Variants in CFAP53 observed in about 807,000 individuals in gnomAD.
CFAP53 encodes the protein cilia- and flagella-associated protein 53.
In CFAP53, 62 loss-of-function variants were observed where a neutral mutation model predicts 59.7. That is an observed-to-expected ratio of 1.04 (90% CI 0.85 to 1.28). The LOEUF is 1.28. CFAP53 is among the 50% of genes most tolerant of loss of function. CFAP53 has a pLI of 0.00. For synonymous variants in CFAP53, 218 were observed against 205.7 expected (o/e 1.06, Z -0.51); for missense variants, 629 against 615.6 (o/e 1.02, Z -0.23).
At chr18:50,255,713 T>A (rs1370744855) in intron 3 of CFAP53, among the ~76,000 whole-genome samples, 2 of 152,184 alleles carry the variant, frequency 1.3e-5, no homozygotes, top group Non-Finnish European at 2.9e-5. Flanking sequence ...ATTCTATGAA[T>A]GCCACTGAAT....
At chr18:50,263,737 G>A (rs2033914610) in intron 1 of CFAP53, among the ~76,000 whole-genome samples, 1 of 152,222 alleles carries the variant, frequency 6.6e-6, no homozygotes, top group African/African-American at 2.4e-5. Context: ...GAACAGGAAT[G>A]AAACACCAAG....
intron 7 of CFAP53, among the ~76,000 whole-genome samples, chr18:50,230,326 C>T (rs1000977632): frequency 6.6e-6 from 1 of 152,124 alleles, no homozygotes; most frequent in African/African-American, 2.4e-5. Flanking sequence ...GGACTTTCAG[C>T]CCCACCCACT....
intron 5 of CFAP53, among the ~76,000 whole-genome samples, chr18:50,250,512 G>C (rs2033787632): frequency 6.6e-6 from 1 of 152,142 alleles, no homozygotes; most frequent in African/African-American, 2.4e-5. Context: ...GTTAGCATCA[G>C]AATCACCTGG....
chr18:50,257,763 C>T (rs750719689), intron 3 of CFAP53, among the ~76,000 whole-genome samples: 1 of 152,196 alleles, frequency 6.6e-6, no homozygotes. Context: ...AAAACAGTTG[C>T]TCATGCCTAT....
Position 50,228,977 on chromosome 18 carries a change from G to A in CFAP53, c.1317-1368C>T, listed in dbSNP as rs111750141. 6.3e-3 allele frequency among the ~76,000 whole-genome samples: 963 copies of A among 152,130 alleles called. 7 individuals are homozygous for A. The highest frequency in any genetic ancestry group is 0.022 in the African/African-American group (908 of 41,504). Reference sequence around the variant, plus strand: ...TAGCCAGGCATGGTGGCATGTGCCTGTGGTCCCAGCTGAAGTGGGTGGATT... The same window carrying A: ...TAGCCAGGCATGGTGGCATGTGCCTATGGTCCCAGCTGAAGTGGGTGGATT... On this transcript the variant is annotated intron_variant, in intron 7 of 7. Transcript: ENST00000398545.
intron 3 of CFAP53, among the ~76,000 whole-genome samples, chr18:50,259,592 C>T (rs1451862277): frequency 6.6e-6 from 1 of 151,952 alleles, no homozygotes; most frequent in East Asian, 1.9e-4. Context: ...TGCCACCATG[C>T]CCGGCTAATT....
intron 5 of CFAP53, among the ~76,000 whole-genome samples, chr18:50,248,246 G>A (rs1425934853): frequency 6.6e-6 from 1 of 152,046 alleles, no homozygotes; most frequent in Non-Finnish European, 1.5e-5. Flanking sequence ...TAGCCATTAG[G>A]GAAATGTAAA....
chr18:50,250,876 T>C lies in CFAP53; in HGVS notation c.878A>G (p.Gln293Arg). 6.2e-7 allele frequency: 1 copy of C among 1,614,226 alleles called. No homozygotes were observed. The highest frequency in any genetic ancestry group is 8.5e-7 in the Non-Finnish European group (1 of 1,180,022). The change falls in exon 5 of 8, where the codon CAA (glutamine) becomes CGA (arginine). Residue 293 changes from glutamine (Q) to arginine (R), a missense_variant. Physicochemically the swap from Gln to Arg is conservative, Grantham distance 43 (BLOSUM62 1). Transcript: ENST00000398545. ...CTGCTGAATATGTTCTATCCTCTCT[T>C]GTAGGGCTTTTTGCAAAATGGTCCT... ...ETRTILQKAL[Q>R]ERIEHIQQEY...
chr18:50,249,459 A>C (rs1476549702), intron 5 of CFAP53, among the ~76,000 whole-genome samples: 1 of 151,848 alleles, frequency 6.6e-6, no homozygotes, highest in African/African-American at 2.4e-5. Context: ...TTGAGGCTGC[A>C]GGGAGCTGAG....
At chr18:50,242,042 C>G (rs2033695113) in intron 6 of CFAP53, among the ~76,000 whole-genome samples, 1 of 152,150 alleles carries the variant, frequency 6.6e-6, no homozygotes, top group Admixed American at 6.6e-5. Context: ...CAGGGCTATT[C>G]CTTGCTGGGA....
intron 6 of CFAP53, among the ~76,000 whole-genome samples, 170 bp downstream of exon 6, chr18:50,242,730 T>C (rs990824386): frequency 4.6e-5 from 7 of 152,356 alleles, no homozygotes; most frequent in African/African-American, 1.4e-4. Flanking sequence ...TGCTGGTCTC[T>C]TCATATATAT....
rs781368965 is a variant in CFAP53, at chr18:50,242,905, TCTTGAA to T, written c.1202_1207del (p.Val401_Gln402del). 34 of 1,612,380 alleles carry T rather than the reference TCTTGAA, an allele frequency of 2.1e-5. No homozygotes were observed. The highest frequency in any genetic ancestry group is 2.7e-5 in the African/African-American group (2 of 74,918). On this transcript the variant is annotated inframe_deletion, in exon 6 of 8. Coordinates refer to ENST00000398545, the MANE Select transcript of CFAP53 (RefSeq NM_145020.5). ...ACTGTAATTCAGTTCCTTACACTTT[TCTTGAA>T]CTTGAAGTTTTCTTGTACACATGAC... is the stretch of plus-strand genomic sequence containing the variant.
chr18:50,255,554 A>G (rs1213865547), intron 3 of CFAP53, among the ~76,000 whole-genome samples: 1 of 137,248 alleles, frequency 7.3e-6, no homozygotes, highest in Admixed American at 8.0e-5. Flanking sequence ...ATATATAATT[A>G]TTTAAAATTA....
intron 6 of CFAP53, among the ~76,000 whole-genome samples, chr18:50,240,607 T>C (rs1421838914): frequency 6.6e-6 from 1 of 152,240 alleles, no homozygotes; most frequent in Non-Finnish European, 1.5e-5. Flanking sequence ...ATGGTCTTGC[T>C]GAGAGATCAT....
At chr18:50,261,382 GTTT>G (rs548989445) in intron 2 of CFAP53, 145 bp from the exon 3 acceptor site, 1 of 985,878 alleles carries the variant, frequency 1.0e-6, no homozygotes, top group East Asian at 3.1e-5. Flanking sequence ...TGGTTGGTTT[GTTT>G]TTTTGTTTTT....
At chr18:50,241,807 C>T (rs1465310850) in intron 6 of CFAP53, among the ~76,000 whole-genome samples, 6 of 152,088 alleles carry the variant, frequency 3.9e-5, no homozygotes, top group Non-Finnish European at 1.5e-5. Flanking sequence ...GGGTCTGCGT[C>T]CCACTGTGCA....
intron 5 of CFAP53, among the ~76,000 whole-genome samples, 188 bp downstream of exon 5, chr18:50,250,570 T>G (rs920786704): frequency 1.3e-5 from 2 of 152,192 alleles, no homozygotes; most frequent in Non-Finnish European, 2.9e-5. Context: ...TGATTTTGAT[T>G]GGGAGATCCT....
intron 7 of CFAP53, among the ~76,000 whole-genome samples, chr18:50,227,956 T>TTTTA (rs2033542521): frequency 2.0e-4 from 1 of 4,914 alleles, no homozygotes; most frequent in African/African-American, 4.0e-4. Context: ...ACTTTTCTCC[T>TTTTA]TTTTTTTTTT....
intron 5 of CFAP53, among the ~76,000 whole-genome samples, chr18:50,247,620 T>C (rs2033757326): frequency 6.6e-6 from 1 of 152,242 alleles, no homozygotes; most frequent in South Asian, 2.1e-4. Flanking sequence ...TGGAATATCA[T>C]TCAGCCACAT....
Sources: gnomAD v4.1 joint callset for allele counts (sites outside exome capture counted in the v4.1 genomes callset) on GRCh38, gnomAD v4.1.1 for gene constraint, MANE v1.5 for transcripts, NCBI Gene and HGNC (gene_info 2026-07-23, HGNC 2026-07-21) for gene names.